Variants in REXO4 observed in about 807,000 individuals in gnomAD.
The protein encoded by REXO4 is RNA exonuclease 4.
In REXO4, 29 loss-of-function variants were observed where a neutral mutation model predicts 39.9. That is an observed-to-expected ratio of 0.73 (90% CI 0.54 to 0.99). The LOEUF is 0.99. Among genes scored for constraint, REXO4 ranks in the 50% least tolerant of loss-of-function variants. The pLI is 0.00. For missense variants in REXO4, 524 were observed against 546.5 expected (o/e 0.96, Z 0.41); for synonymous variants, 184 against 206.2 (o/e 0.89, Z 0.92).
At chr9:133,410,532 G>A (rs188265962) in intron 5 of REXO4, among the ~76,000 whole-genome samples, 1 of 152,360 alleles carries the variant, frequency 6.6e-6, no homozygotes, top group East Asian at 1.9e-4. Flanking sequence ...TGCCCCAGGC[G>A]GGATTTTCCT....
chr9:133,414,993 A>G lies in REXO4; in HGVS notation c.244T>C (p.Ser82Pro), dbSNP rs782403137. 6.3e-7 allele frequency: 1 copy of G among 1,582,462 alleles called. No individual in the cohort carries two copies. Among genetic ancestry groups the G allele is most frequent in the Admixed American group, 2.0e-5 (1 of 50,562 alleles). ...ALQEWLLKQK[S>P]QAPEKPLVIS... Reference sequence around the variant, plus strand: ...ACAAGAGGCTTTTCTGGGGCCTGAGATTTTTGTTTCAGCAGCCACTGGGAC... The same window carrying G: ...ACAAGAGGCTTTTCTGGGGCCTGAGGTTTTTGTTTCAGCAGCCACTGGGAC... Residue 82 changes from serine (S) to proline (P), a missense_variant, in exon 2 of 8, where the codon TCT (serine) becomes CCT (proline). Ser to Pro is a moderately conservative substitution (Grantham distance 74). Coordinates refer to ENST00000371942, the MANE Select transcript of REXO4 (RefSeq NM_020385.4).
chr9:133,415,080 T>G, intron 1 of REXO4, 69 bp from the exon 2 acceptor site: 1 of 1,282,334 alleles, frequency 7.8e-7, no homozygotes, highest in Non-Finnish European at 1.1e-6. Context: ...TGAAAAAACT[T>G]ACGTGTGTAT....
intron 7 of REXO4, 130 bp from the exon 8 acceptor site, chr9:133,407,202 G>A (rs1554779072): frequency 1.1e-5 from 15 of 1,408,206 alleles, no homozygotes; most frequent in South Asian, 7.7e-5. Context: ...ACCTGGCCAC[G>A]AGATGTCACC....
In REXO4 at chr9:133,409,146, T is replaced by C. The variant is rs188406894; in HGVS notation, c.1000-304A>G. Among the ~76,000 whole-genome samples, 31 of 152,248 alleles carry C rather than the reference T, an allele frequency of 2.0e-4. 1 individual carries two copies. In the East Asian group the frequency reaches 5.4e-3, roughly 27 times the overall value. On this transcript the variant is annotated intron_variant, in intron 5 of 7. Transcript: ENST00000371942. Reference sequence around the variant, plus strand: ...ATGCCTGGCTAATTTTTGTATTTTTTAGTAGAGACAGGGTTTTGCCATGTT... The same window carrying C: ...ATGCCTGGCTAATTTTTGTATTTTTCAGTAGAGACAGGGTTTTGCCATGTT...
At chr9:133,416,935 A>G (rs1459471847) in intron 1 of REXO4, among the ~76,000 whole-genome samples, 1 of 152,104 alleles carries the variant, frequency 6.6e-6, no homozygotes, top group Non-Finnish European at 1.5e-5. Context: ...GAACCCCATC[A>G]CATGTCTGCT....
chr9:133,412,560 A>G, intron 3 of REXO4, 68 bp from the exon 4 acceptor site: 1 of 1,542,900 alleles, frequency 6.5e-7, no homozygotes, highest in South Asian at 1.1e-5. Context: ...TCAGAGCCCC[A>G]GGGATCCATG....
rs782023241 is a variant in REXO4, at chr9:133,414,821, T to G, written c.416A>C (p.Asp139Ala). The change falls in exon 2 of 8, where the codon GAC (aspartate) becomes GCC (alanine). Residue 139 changes from aspartate to alanine, a missense_variant. Physicochemically the swap from Asp to Ala is moderately radical, Grantham distance 126 (BLOSUM62 -2). Transcript: ENST00000371942. ...GGTGCGAGGTACTGGCGCCCTCCTG[T>G]CCATCTTGGAACCTGAAGGAACAGA... Reference protein sequence around the residue: ...RGSVPSGSKMDRRAPVPRTKA... With the variant: ...RGSVPSGSKMARRAPVPRTKA... 1.2e-6 allele frequency: 2 copies of G among 1,614,174 alleles called. No homozygotes were observed. Among genetic ancestry groups the G allele is most frequent in the South Asian group, 2.2e-5 (2 of 91,082 alleles).
Position 133,406,964 on chromosome 9 carries a change from C to A in REXO4, c.1258G>T (p.Asp420Tyr). 1 of 1,611,630 alleles carries A rather than the reference C, an allele frequency of 6.2e-7. No individual in the cohort carries two copies. Among genetic ancestry groups the A allele is most frequent in the South Asian group, 1.1e-5 (1 of 91,084 alleles). The change falls in exon 8 of 8, where the codon GAC becomes TAC. Residue 420 changes from aspartate to tyrosine, a missense_variant. Physicochemically the swap from Asp to Tyr is radical, Grantham distance 160 (BLOSUM62 -3). Coordinates refer to ENST00000371942, the MANE Select transcript of REXO4 (RefSeq NM_020385.4). Reference protein sequence around the residue: ...PLLTAPDHCSDDA With the variant: ...PLLTAPDHCSYDA Reference sequence around the variant, plus strand: ...GCAGGGCAGGACTGCTAGGCGTCGTCACTGCAGTGGTCTGGAGCAGTCAGC... The same window carrying A: ...GCAGGGCAGGACTGCTAGGCGTCGTAACTGCAGTGGTCTGGAGCAGTCAGC...
Position 133,414,737 on chromosome 9 carries a change from A to G in REXO4, c.500T>C (p.Ile167Thr), listed in dbSNP as rs371005191. 7 of 1,614,048 alleles carry G rather than the reference A, an allele frequency of 4.3e-6. No individual in the cohort carries two copies. The highest frequency in any genetic ancestry group is 5.1e-6 in the Non-Finnish European group (6 of 1,180,048). The change falls in exon 2 of 8, where the codon ATT becomes ACT. Residue 167 changes from isoleucine to threonine, a missense_variant. Ile to Thr is a moderately conservative substitution (Grantham distance 89, BLOSUM62 -1). Transcript: ENST00000371942. Reference sequence around the variant, plus strand: ...CTCGATGTCCCCTCGTTCTGGAACAATATCACCATTTGTCCTTTCCTTGGT... The same window carrying G: ...CTCGATGTCCCCTCGTTCTGGAACAGTATCACCATTTGTCCTTTCCTTGGT... Reference protein sequence around the residue: ...KGTKERTNGDIVPERGDIEHK... With the variant: ...KGTKERTNGDTVPERGDIEHK...
At position 133,412,372 on chromosome 9, in the gene REXO4, G is replaced by A. The variant is rs372666425; in HGVS notation, c.837C>T (p.Tyr279=). Residue 279 remains tyrosine, a synonymous_variant, in exon 4 of 8, where the codon TAC becomes TAT. Coordinates refer to ENST00000371942, the MANE Select transcript of REXO4 (RefSeq NM_020385.4). ...CCGTCACGGGCTCGGTTGGTTTGAC[G>A]TACTTGTCATAAACGCACTTCCCAT... The part of the protein sequence containing the change: ...NQYGKCVYDK[Y]VKPTEPVTDY... The A allele has an allele frequency of 1.5e-5, 24 of 1,613,956 alleles. No homozygotes were observed. In the South Asian group the frequency reaches 1.5e-4, roughly 10 times the overall value.
intron 4 of REXO4, among the ~76,000 whole-genome samples, chr9:133,411,307 T>C (rs1839201341): frequency 6.6e-6 from 1 of 152,200 alleles, no homozygotes; most frequent in Non-Finnish European, 1.5e-5. Flanking sequence ...AGGAATAAAG[T>C]GCTCCACACA....
rs71503345 is a variant in REXO4, at chr9:133,408,934, T to TTGTGTGTGTGTGTG, written c.1000-106_1000-93dup. 8.8e-4 allele frequency: 283 copies of TTGTGTGTGTGTGTG among 321,992 alleles called. 6 individuals carry two copies. The highest frequency in any genetic ancestry group is 6.9e-3 in the African/African-American group (203 of 29,410). The allele number at this position is 321,992 out of a possible 1,614,324, so 19.9% of individuals were successfully genotyped here. On this transcript the variant is annotated intron_variant, in intron 5 of 7. Coordinates refer to ENST00000371942, the MANE Select transcript of REXO4 (RefSeq NM_020385.4). ...CCGCCACCTTTTGCAAGTAACATCT[T>TTGTGTGTGTGTGTG]TGTGTGTGTGTGTGTGTGTGTGTGT...
chr9:133,417,099 C>T (rs942292513), intron 1 of REXO4, among the ~76,000 whole-genome samples: 8 of 152,236 alleles, frequency 5.3e-5, no homozygotes, highest in African/African-American at 1.9e-4. Context: ...CTGCCTCTGC[C>T]TCCCGGGTTC....
intron 7 of REXO4, among the ~76,000 whole-genome samples, chr9:133,407,426 G>A (rs1801145833): frequency 6.6e-6 from 1 of 152,088 alleles, no homozygotes; most frequent in Admixed American, 6.5e-5. Context: ...GGGCAAAAAG[G>A]GCCCAAAGCA....
Position 133,414,676 on chromosome 9 carries a change from G to A in REXO4, c.561C>T (p.Ala187=). 6.2e-7 allele frequency: 1 copy of A among 1,613,824 alleles called. No individual in the cohort carries two copies. Among genetic ancestry groups the A allele is most frequent in the Non-Finnish European group, 8.5e-7 (1 of 1,179,762 alleles). Residue 187 remains alanine, a synonymous_variant, in exon 2 of 8, where the codon GCC becomes GCT. Transcript: ENST00000371942. ...TGGCCCATACTTACTCGGTGGGTGG[G>A]GCTGGGGCTGCCTCCTTAGCTTTCC... The part of the protein sequence containing the change: ...KKRKAKEAAP[A]PPTEEDIWFD...
At chr9:133,409,367 T>C (rs1564391914) in intron 5 of REXO4, among the ~76,000 whole-genome samples, 2 of 152,138 alleles carry the variant, frequency 1.3e-5, no homozygotes, top group Non-Finnish European at 2.9e-5. Context: ...TTGCACTGAC[T>C]TAAGCTGATG....
At position 133,417,998 on chromosome 9, in the gene REXO4, A is replaced by G. The variant is rs781854687; in HGVS notation, c.-154T>C. The G allele has an allele frequency of 7.3e-6, 5 of 681,670 alleles. No individual in the cohort carries two copies. The highest frequency in any genetic ancestry group is 1.2e-5 in the Non-Finnish European group (5 of 412,338). The allele number at this position is 681,670 out of a possible 1,614,324, so 42.2% of individuals were successfully genotyped here. ...GAAAAGACTCCGGAAGAGACCCCGC[A>G]CGCGTTGCGCATACCTCAGCACGCA... On this transcript the variant is annotated 5_prime_UTR_variant, in exon 1 of 8. Coordinates refer to ENST00000371942, the MANE Select transcript of REXO4 (RefSeq NM_020385.4).
At chr9:133,414,049 C>T (rs1253512634) in intron 2 of REXO4, among the ~76,000 whole-genome samples, 2 of 152,252 alleles carry the variant, frequency 1.3e-5, no homozygotes, top group Admixed American at 6.5e-5. Context: ...GTCCACCCCA[C>T]GTGGGTGGCC....
rs782528793 is a variant in REXO4, at chr9:133,412,334, G to A, written c.875C>T (p.Ala292Val). 2.4e-5 allele frequency: 39 copies of A among 1,614,028 alleles called. No individual in the cohort carries two copies. In the East Asian group the frequency reaches 5.8e-4, roughly 24 times the overall value. The change falls in exon 4 of 8, where the codon GCG becomes GTG. Residue 292 changes from alanine (A) to valine (V), a missense_variant. Coordinates refer to ENST00000371942, the MANE Select transcript of REXO4 (RefSeq NM_020385.4). ...PTEPVTDYRTAVSGIRPENLK... is the reference protein window; with the variant it reads ...PTEPVTDYRTVVSGIRPENLK... The stretch of plus-strand genomic sequence containing the variant: ...GTTCTCAGGCCGAATCCCACTGACC[G>A]CTGTCCTATAGTCCGTCACGGGCTC...
Sources: allele counts gnomAD v4.1 joint callset (sites outside exome capture counted in the v4.1 genomes callset), GRCh38; gene constraint gnomAD v4.1.1; transcripts MANE v1.5; gene names NCBI Gene and HGNC (gene_info 2026-07-23, HGNC 2026-07-21).